NBEA: variants seen among roughly 807,000 people sequenced by gnomAD.
The protein encoded by NBEA is lysosomal-trafficking regulator 2.
A neutral mutation model predicts 343.4 loss-of-function variants in NBEA; 44 were observed. The observed-to-expected ratio is 0.13, with a 90% confidence interval of 0.10 to 0.16. NBEA has a LOEUF of 0.16. Among genes scored for constraint, NBEA ranks in the 10% least tolerant of loss-of-function variants. NBEA has a pLI of 1.00. For synonymous variants in NBEA, 1,175 were observed against 1,238.7 expected, an observed-to-expected ratio of 0.95 and a Z score of 1.08; for missense variants, 2,555 against 3,631.3, an observed-to-expected ratio of 0.70 and a Z score of 7.62.
intron 48 of NBEA, among the ~76,000 whole-genome samples, chr13:35,616,880 G>C (rs1269774011): frequency 6.6e-6 from 1 of 152,160 alleles, no homozygotes; most frequent in Non-Finnish European, 1.5e-5. Context: ...CTGATAAGCA[G>C]ACTTTATTCA....
chr13:35,007,953 T>C (rs2061369358), intron 1 of NBEA, among the ~76,000 whole-genome samples: 2 of 152,214 alleles, frequency 1.3e-5, no homozygotes, highest in South Asian at 4.1e-4. Flanking sequence ...TGGCTGGCTA[T>C]TTTTTATTGA....
intron 47 of NBEA, among the ~76,000 whole-genome samples, chr13:35,593,917 T>A (rs928959367): frequency 2.6e-4 from 40 of 152,086 alleles, no homozygotes; most frequent in African/African-American, 9.2e-4. Context: ...TTTACTTGAC[T>A]GTGCCTGGGG....
chr13:35,490,935 A>T (rs1200381444), intron 41 of NBEA, among the ~76,000 whole-genome samples: 1 of 151,744 alleles, frequency 6.6e-6, no homozygotes, highest in Non-Finnish European at 1.5e-5. Flanking sequence ...ATCATATAGA[A>T]CCTCTCTAAG....
intron 39 of NBEA, 48 bp downstream of exon 39, chr13:35,432,441 A>T: frequency 6.8e-7 from 1 of 1,472,198 alleles, no homozygotes; most frequent in Non-Finnish European, 9.1e-7. Flanking sequence ...ATGTGAGGTG[A>T]CTCCTTGTGT....
intron 40 of NBEA, among the ~76,000 whole-genome samples, chr13:35,465,787 A>G (rs1436774789): frequency 6.6e-6 from 1 of 151,312 alleles, no homozygotes; most frequent in Non-Finnish European, 1.5e-5. Flanking sequence ...TTTTTCTTCT[A>G]GGAAATCACA....
intron 17 of NBEA, among the ~76,000 whole-genome samples, chr13:35,131,138 G>T (rs1461019812): frequency 6.6e-6 from 1 of 151,934 alleles, no homozygotes; most frequent in Non-Finnish European, 1.5e-5. Flanking sequence ...CAGAAAGCAA[G>T]ACTATTAAAC....
intron 58 of NBEA, 127 bp from the exon 59 acceptor site, chr13:35,670,774 T>G: frequency 1.5e-6 from 1 of 661,966 alleles, no homozygotes; most frequent in Non-Finnish European, 2.6e-6. Flanking sequence ...AAATTAAGAC[T>G]TGGCAAACCT....
intron 1 of NBEA, among the ~76,000 whole-genome samples, chr13:34,963,811 C>G (rs1381075463): frequency 2.0e-5 from 3 of 151,644 alleles, no homozygotes; most frequent in Non-Finnish European, 2.9e-5. Flanking sequence ...TTGACTCCAG[C>G]TAATTAAAAG....
chr13:35,070,722 G>T lies in NBEA; in HGVS notation c.1441G>T (p.Val481Leu). 6.3e-7 allele frequency: 1 copy of T among 1,581,272 alleles called. No individual in the cohort carries two copies. The highest frequency in any genetic ancestry group is 8.6e-7 in the Non-Finnish European group (1 of 1,159,192). The stretch of plus-strand genomic sequence containing the variant: ...ACATTTTTGTTTTTGGACATAGGAT[G>T]TGAAAGCGATAGTAACACATTCAAT... ...HSPHALMLQD[V>L]KAIVTHSIHS... Residue 481 changes from valine to leucine, a missense_variant, in exon 10 of 59, where the codon GTG becomes TTG. Val to Leu is a conservative substitution (Grantham distance 32). Around this residue, in one of 21 missense-constraint regions of NBEA, gnomAD observed 75 missense variants for 237.4 expected, o/e 0.32. Coordinates refer to ENST00000379939, the MANE Select transcript of NBEA (RefSeq NM_001385012.1).
intron 10 of NBEA, among the ~76,000 whole-genome samples, chr13:35,081,038 A>G (rs1300698514): frequency 6.6e-6 from 1 of 152,210 alleles, no homozygotes; most frequent in African/African-American, 2.4e-5. Context: ...GTTTACCTTA[A>G]CACAATGACT....
chr13:34,972,018 C>T (rs922307166), intron 1 of NBEA, among the ~76,000 whole-genome samples: 3 of 152,000 alleles, frequency 2.0e-5, no homozygotes, highest in East Asian at 3.9e-4. Context: ...AATTTCAGAA[C>T]TCATTATTGG....
intron 55 of NBEA, among the ~76,000 whole-genome samples, chr13:35,659,371 T>C (rs1226153386): frequency 6.6e-6 from 1 of 152,226 alleles, no homozygotes; most frequent in African/African-American, 2.4e-5. Context: ...TAAAATCTTC[T>C]CAAGATAAAA....
intron 38 of NBEA, among the ~76,000 whole-genome samples, chr13:35,400,688 C>A (rs2042962753): frequency 1.3e-5 from 2 of 151,876 alleles, no homozygotes; most frequent in Admixed American, 6.6e-5. Flanking sequence ...TATATTATTC[C>A]ATTTGTAGTC....
At chr13:35,022,015 A>T (rs981285851) in intron 1 of NBEA, among the ~76,000 whole-genome samples, 1 of 152,084 alleles carries the variant, frequency 6.6e-6, no homozygotes, top group Non-Finnish European at 1.5e-5. Flanking sequence ...ATGAGCAACA[A>T]ATTCTGTCTT....
intron 47 of NBEA, among the ~76,000 whole-genome samples, chr13:35,604,183 T>G (rs2153050261): frequency 6.6e-6 from 1 of 152,340 alleles, no homozygotes; most frequent in African/African-American, 2.4e-5. Context: ...TTAGCCTGTC[T>G]TATCCTTCAA....
chr13:35,392,601 T>C (rs762195442), intron 38 of NBEA, among the ~76,000 whole-genome samples: 4 of 152,022 alleles, frequency 2.6e-5, no homozygotes, highest in Non-Finnish European at 5.9e-5. Flanking sequence ...TGATATATAA[T>C]ACAAAGTAGC....
intron 40 of NBEA, among the ~76,000 whole-genome samples, chr13:35,456,727 T>C (rs2046600137): frequency 6.6e-6 from 1 of 151,984 alleles, no homozygotes; most frequent in Non-Finnish European, 1.5e-5. Flanking sequence ...GAAACGTATT[T>C]CATTTCTTTT....
chr13:35,094,312 T>C (rs1194479627), intron 10 of NBEA, among the ~76,000 whole-genome samples: 1 of 152,062 alleles, frequency 6.6e-6, no homozygotes, highest in African/African-American at 2.4e-5. Flanking sequence ...AGAGATTTCA[T>C]GGCTCCGGGC....
intron 1 of NBEA, among the ~76,000 whole-genome samples, chr13:34,980,230 A>G (rs948266026): frequency 6.6e-6 from 1 of 151,776 alleles, no homozygotes; most frequent in African/African-American, 2.4e-5. Context: ...ATATTTTATA[A>G]TCAATTGTCA....
Sources: allele counts gnomAD v4.1 joint callset (sites outside exome capture counted in the v4.1 genomes callset), GRCh38; gene constraint gnomAD v4.1.1; regional missense constraint gnomAD v4.1.1; transcripts MANE v1.5; gene names NCBI Gene and HGNC (gene_info 2026-07-23, HGNC 2026-07-21).